The following CSF2RA variants were observed in gnomAD, a reference collection of about 807,000 sequenced individuals.
CSF2RA encodes the protein colony stimulating factor 2 receptor subunit alpha.
In CSF2RA, 42 loss-of-function variants were observed where a neutral mutation model predicts 51.6. The observed-to-expected ratio is 0.81, with a 90% CI of 0.64 to 1.05. The LOEUF (loss-of-function observed/expected upper bound fraction) is 1.05. Ranked by LOEUF, CSF2RA falls within the 50% of genes least tolerant of loss-of-function variation. CSF2RA has a pLI of 0.00. For missense variants in CSF2RA, 530 were observed against 501.1 expected, an observed-to-expected ratio of 1.06 and a Z score of -0.55; for synonymous variants, 222 against 193.0, an observed-to-expected ratio of 1.15 and a Z score of -1.24.
chrX:1,278,433 T>C (rs1416768389), intron 2 of CSF2RA, among the ~76,000 whole-genome samples: 2 of 149,138 alleles, frequency 1.3e-5, no homozygotes, highest in East Asian at 4.0e-4. Context: ...ATGCCTATAA[T>C]CCCAGCACTT....
At chrX:1,304,093 TG>T in intron 11 of CSF2RA, 74 bp downstream of exon 11, 1 of 1,227,930 alleles carries the variant, frequency 8.1e-7, no homozygotes, top group Non-Finnish European at 1.2e-6. Flanking sequence ...GTCCAGTCTC[TG>T]TCTCTGTCTC....
chrX:1,290,076 T>A (rs2091244968), intron 6 of CSF2RA, among the ~76,000 whole-genome samples: 1 of 151,884 alleles, frequency 6.6e-6, no homozygotes, highest in Admixed American at 6.6e-5. Flanking sequence ...TTTTGATTTG[T>A]GTTTTTGTGT....
chrX:1,291,331 C>CTCCTTCCCTCCCTTCT (rs1315895216), intron 7 of CSF2RA, among the ~76,000 whole-genome samples: 2 of 145,508 alleles, frequency 1.4e-5, no homozygotes, highest in African/African-American at 5.1e-5. Context: ...TCCTTCCTTC[C>CTCCTTCCCTCCCTTCT]TCCTTCCCTC....
At chrX:1,303,802 C>A in intron 10 of CSF2RA, 121 bp from the exon 11 acceptor site, 1 of 909,038 alleles carries the variant, frequency 1.1e-6, no homozygotes, top group Non-Finnish European at 1.9e-6. Context: ...GTTTGCTGGG[C>A]CCAGTTCTCA....
intron 7 of CSF2RA, among the ~76,000 whole-genome samples, chrX:1,290,735 C>G (rs780257741): frequency 6.6e-6 from 1 of 151,910 alleles, no homozygotes; most frequent in Non-Finnish European, 1.5e-5. Flanking sequence ...CATGGTGGCG[C>G]GTGCCTGTAA....
intron 10 of CSF2RA, among the ~76,000 whole-genome samples, chrX:1,302,455 C>T (rs376121701): frequency 1.8e-4 from 27 of 152,024 alleles, no homozygotes; most frequent in African/African-American, 6.0e-4. Flanking sequence ...GAGGTGCATT[C>T]GTGTCTGGTG....
Position 1,309,419 on chromosome X carries a change from C to G in CSF2RA, c.1143C>G (p.Phe381Leu), listed in dbSNP as rs202127578. 8 of 1,613,930 alleles carry G rather than the reference C, an allele frequency of 5.0e-6. No homozygotes were observed. In the East Asian group the frequency reaches 1.6e-4, roughly 31 times the overall value. Residue 381 changes from phenylalanine (F) to leucine (L), a missense_variant, in exon 13 of 13, where the codon TTC (phenylalanine) becomes TTG (leucine). Phe to Leu is a conservative substitution (Grantham distance 22). Transcript: ENST00000381529. ...TTTCTCAGATCATCTGGGAGGAATT[C>G]ACCCCAGAGGAAGGGAAAGGCTACC... ...EVEDEIIWEE[F>L]TPEEGKGYRE... is the part of the protein sequence containing the mutation.
In CSF2RA at chrX:1,280,687, TCTC is replaced by T. The variant is rs761255152; in HGVS notation, c.-26-1990_-26-1988del. 6.7e-4 allele frequency among the ~76,000 whole-genome samples: 92 copies of T among 137,184 alleles called. 3 individuals carry two copies. The East Asian group carries it at 0.018, about 27-fold the overall frequency. The allele number at this position is 137,184 out of a possible 152,430, so 90.0% of individuals were successfully genotyped here. A position where few individuals can be genotyped will look rare whatever the true frequency, so the allele number is the denominator to read the frequency against. On this transcript the variant is annotated intron_variant, in intron 2 of 12. Transcript: ENST00000381529. ...TCCTCTTCCTCCTCCTCCTTCTTCT[TCTC>T]TTCTTTCTTCTTCTTCTCTTTCCCC... is the stretch of plus-strand genomic sequence containing the variant.
chrX:1,311,588 C>T (rs1196012283), downstream of CSF2RA, among the ~76,000 whole-genome samples: 1 of 152,086 alleles, frequency 6.6e-6, no homozygotes, highest in Non-Finnish European at 1.5e-5. Flanking sequence ...CGCCCGCCAC[C>T]ATTCCCGGCT....
At chrX:1,315,956 TA>T in the CSF2RA span, among the ~76,000 whole-genome samples, 1 of 41,764 alleles carries the variant, frequency 2.4e-5, no homozygotes, top group African/African-American at 7.3e-5. Context: ...TGATAGATGA[TA>T]GATAAATAGA....
intron 10 of CSF2RA, chrX:1,302,984 G>C (rs2083152604): frequency 8.1e-6 from 2 of 246,572 alleles, no homozygotes; most frequent in Admixed American, 5.6e-5. Context: ...CGATTCTCCT[G>C]CCTCAGCCTC....
downstream of CSF2RA, among the ~76,000 whole-genome samples, chrX:1,314,598 C>T (rs866449230): frequency 7.1e-4 from 20 of 28,220 alleles, no homozygotes; most frequent in Admixed American, 2.7e-3. Context: ...CTGCACCTGC[C>T]CAACCCCACT....
chrX:1,315,770 A>G, the CSF2RA span, among the ~76,000 whole-genome samples: 20 of 124,572 alleles, frequency 1.6e-4, no homozygotes, highest in African/African-American at 5.7e-4. Context: ...TAAAATAGAT[A>G]ATAGATAGAT....
chrX:1,309,341 C>T (rs1296260641), intron 12 of CSF2RA, 61 bp from the exon 13 acceptor site: 17 of 1,491,714 alleles, frequency 1.1e-5, no homozygotes, highest in Non-Finnish European at 1.5e-5. Flanking sequence ...ATAAACACAG[C>T]CCACTGAGTC....
chrX:1,282,597 A>G lies in CSF2RA; in HGVS notation c.-26-81A>G, dbSNP rs1337835252. On this transcript the variant is annotated intron_variant, in intron 2 of 12. Transcript: ENST00000381529. ...ACCACCATCCTGGGTTTGTTTCCCC[A>G]AATCACCTCCCTGGGGTCCCCTGCC... 9 of 1,045,032 alleles carry G rather than the reference A, an allele frequency of 8.6e-6. No homozygotes were observed. In the Admixed American group the frequency reaches 1.4e-4, roughly 16 times the overall value. 64.7% of individuals were successfully genotyped at this position (1,045,032 alleles called of 1,614,324 possible).
Position 1,301,010 on chromosome X carries a change from C to A in CSF2RA, c.946+384C>A, listed in dbSNP as rs1199189136. The stretch of plus-strand genomic sequence containing the variant: ...CTCTACTAAAAATACAAAATTAGCC[C>A]AGCATTGTGGCAGGTGCCTGTAATC... On this transcript the variant is annotated intron_variant, in intron 10 of 12. Coordinates refer to ENST00000381529, the MANE Select transcript of CSF2RA (RefSeq NM_172245.4). Among the ~76,000 whole-genome samples the A allele has an allele frequency of 1.2e-4, 18 of 151,890 alleles. No homozygotes were observed. The South Asian group carries it at 2.1e-3, about 18-fold the overall frequency.
intron 12 of CSF2RA, among the ~76,000 whole-genome samples, chrX:1,306,527 A>G (rs1438142704): frequency 1.3e-5 from 2 of 151,798 alleles, no homozygotes; most frequent in African/African-American, 4.8e-5. Flanking sequence ...CACACCTGTA[A>G]TCCCACCTAC....
downstream of CSF2RA, among the ~76,000 whole-genome samples, chrX:1,311,457 T>G (rs1322202579): frequency 6.6e-6 from 1 of 151,206 alleles, no homozygotes; most frequent in Non-Finnish European, 1.5e-5. Context: ...TTTTTTAAGT[T>G]GGAGTCTTGC....
intron 3 of CSF2RA, among the ~76,000 whole-genome samples, chrX:1,284,799 G>A (rs1416493763): frequency 1.9e-4 from 29 of 151,738 alleles, no homozygotes; most frequent in African/African-American, 6.8e-4. Context: ...TGAGTAGCTG[G>A]GATTACAGGT....
Sources: allele counts gnomAD v4.1 joint callset (sites outside exome capture counted in the v4.1 genomes callset), GRCh38; gene constraint gnomAD v4.1.1; transcripts MANE v1.5; gene names NCBI Gene and HGNC (gene_info 2026-07-23, HGNC 2026-07-21).